Variants in ZDHHC14 observed in about 807,000 individuals in gnomAD.
ZDHHC14 encodes the protein zDHHC palmitoyltransferase 14.
Under a neutral mutation model 47.7 loss-of-function variants are expected in ZDHHC14, and 16 were observed. The ratio of observed to expected loss-of-function variants is 0.34; its 90% CI spans 0.23 to 0.51. The LOEUF is 0.51. Ranked by LOEUF, ZDHHC14 falls within the 20% of genes least tolerant of loss-of-function variation. The pLI is 0.97. For missense variants in ZDHHC14, 515 were observed against 662.5 expected (o/e 0.78, Z 2.44); for synonymous variants, 293 against 278.9 (o/e 1.05, Z -0.50).
At chr6:157,557,907 T>C (rs1187442356) in intron 2 of ZDHHC14, among the ~76,000 whole-genome samples, 4 of 152,222 alleles carry the variant, frequency 2.6e-5, no homozygotes, top group Admixed American at 6.5e-5. Flanking sequence ...TGATTTCCAA[T>C]GAATGATTTT....
At chr6:157,671,750 A>G (rs1268430480) in intron 8 of ZDHHC14, among the ~76,000 whole-genome samples, 1 of 152,218 alleles carries the variant, frequency 6.6e-6, no homozygotes, top group East Asian at 1.9e-4. Context: ...TTCTCAGACC[A>G]CAGAGGCTTC....
intron 4 of ZDHHC14, chr6:157,631,096 CAT>C (rs978891720): frequency 2.0e-5 from 3 of 152,372 alleles, no homozygotes; most frequent in South Asian, 2.1e-4. Flanking sequence ...CACCCACACT[CAT>C]ATATAGTCAC....
chr6:157,554,538 T>C (rs1012580233), intron 2 of ZDHHC14, among the ~76,000 whole-genome samples: 2 of 152,238 alleles, frequency 1.3e-5, no homozygotes, highest in African/African-American at 4.8e-5. Flanking sequence ...ACAGTACATT[T>C]CAGTTCAGAC....
At chr6:157,571,685 G>GTCTCTC (rs1783102717) in intron 2 of ZDHHC14, among the ~76,000 whole-genome samples, 1 of 151,578 alleles carries the variant, frequency 6.6e-6, no homozygotes, top group South Asian at 2.1e-4. Context: ...GTACAAACCT[G>GTCTCTC]TCTCTCTCAG....
chr6:157,608,027 G>A (rs760307190), intron 3 of ZDHHC14, among the ~76,000 whole-genome samples: 3 of 152,222 alleles, frequency 2.0e-5, no homozygotes, highest in Admixed American at 1.3e-4. Flanking sequence ...CCTGGTTTGT[G>A]CCTGAAAATC....
chr6:157,614,609 C>T (rs1318971486), intron 3 of ZDHHC14, among the ~76,000 whole-genome samples: 3 of 152,072 alleles, frequency 2.0e-5, no homozygotes, highest in African/African-American at 7.2e-5. Context: ...CCCATGGAAT[C>T]GCTAGACATC....
intron 1 of ZDHHC14, among the ~76,000 whole-genome samples, chr6:157,472,455 G>A (rs1779379073): frequency 6.6e-6 from 1 of 152,130 alleles, no homozygotes; most frequent in South Asian, 2.1e-4. Context: ...TTCGACTTCA[G>A]ACTATGCTGC....
At chr6:157,382,378 A>T (rs1777232012) in intron 1 of ZDHHC14, 112 bp downstream of exon 1, 19 of 1,278,500 alleles carry the variant, frequency 1.5e-5, no homozygotes, top group Non-Finnish European at 2.1e-5. Context: ...GTAAATTGTT[A>T]TATAATGCCA....
At chr6:157,630,919 T>G (rs553564273) in intron 4 of ZDHHC14, 1 of 138,720 alleles carries the variant, frequency 7.2e-6, no homozygotes, top group Non-Finnish European at 1.5e-5. Flanking sequence ...CTCATACCCT[T>G]ACACTGTCAC....
At chr6:157,553,042 C>T (rs1424586868) in intron 2 of ZDHHC14, among the ~76,000 whole-genome samples, 1 of 152,178 alleles carries the variant, frequency 6.6e-6, no homozygotes, top group African/African-American at 2.4e-5. Context: ...AGGCATTGGG[C>T]TCCGCTCCAA....
intron 2 of ZDHHC14, among the ~76,000 whole-genome samples, chr6:157,556,988 G>A (rs1166150461): frequency 6.6e-6 from 1 of 152,202 alleles, no homozygotes; most frequent in Non-Finnish European, 1.5e-5. Flanking sequence ...CCCTCCAAGA[G>A]ACACTGAGGG....
At chr6:157,408,801 T>G (rs1003383067) in intron 1 of ZDHHC14, among the ~76,000 whole-genome samples, 1 of 152,250 alleles carries the variant, frequency 6.6e-6, no homozygotes, top group Non-Finnish European at 1.5e-5. Flanking sequence ...AAATGATTTA[T>G]AGTCCTTTCG....
intron 1 of ZDHHC14, among the ~76,000 whole-genome samples, chr6:157,501,811 T>C (rs1405177194): frequency 6.6e-6 from 1 of 152,230 alleles, no homozygotes; most frequent in African/African-American, 2.4e-5. Context: ...CCAGCTGACA[T>C]AGTTATTGCT....
At chr6:157,602,565 G>T (rs1443975117) in intron 3 of ZDHHC14, among the ~76,000 whole-genome samples, 3 of 151,678 alleles carry the variant, frequency 2.0e-5, no homozygotes, top group Non-Finnish European at 4.4e-5. Context: ...AGATTCCCCA[G>T]TTTGTCCCTA....
chr6:157,594,699 T>TG (rs1271532827), intron 3 of ZDHHC14, among the ~76,000 whole-genome samples: 2 of 152,224 alleles, frequency 1.3e-5, no homozygotes, highest in East Asian at 1.9e-4. Context: ...GTTCTCCATG[T>TG]GGGGGCACAC....
At chr6:157,518,904 A>G (rs1373097479) in intron 1 of ZDHHC14, among the ~76,000 whole-genome samples, 3 of 152,328 alleles carry the variant, frequency 2.0e-5, no homozygotes, top group African/African-American at 7.2e-5. Flanking sequence ...CGTGTGGGGC[A>G]CACAAACGCT....
chr6:157,407,461 G>A lies in ZDHHC14; in HGVS notation c.245+25195G>A, dbSNP rs1562413314. ...TTTCCTGTTAAGCCAAGATTTACTG[G>A]ACACAAGAAAACTTCCCAGCAGTCC... On this transcript the variant is annotated intron_variant, in intron 1 of 8. Transcript: ENST00000359775. 5.3e-5 allele frequency among the ~76,000 whole-genome samples: 8 copies of A among 152,256 alleles called. 1 individual carries two copies. The South Asian group carries it at 1.7e-3, about 32-fold the overall frequency.
chr6:157,484,080 G>T (rs1779696965), intron 1 of ZDHHC14, among the ~76,000 whole-genome samples: 1 of 151,600 alleles, frequency 6.6e-6, no homozygotes, highest in Non-Finnish European at 1.5e-5. Flanking sequence ...CTTATAAGTG[G>T]GAGCTAAACA....
At chr6:157,416,831 A>C (rs922201102) in intron 1 of ZDHHC14, among the ~76,000 whole-genome samples, 1 of 149,558 alleles carries the variant, frequency 6.7e-6, no homozygotes, top group Non-Finnish European at 1.5e-5. Context: ...TTTGAGACAA[A>C]AGTCTCGAAC....
Sources: gnomAD v4.1 joint callset for allele counts (sites outside exome capture counted in the v4.1 genomes callset) on GRCh38, gnomAD v4.1.1 for gene constraint, MANE v1.5 for transcripts, NCBI Gene and HGNC (gene_info 2026-07-23, HGNC 2026-07-21) for gene names.